Variants in ROBO2 observed in about 807,000 individuals in gnomAD.
The protein encoded by ROBO2 is roundabout guidance receptor 2, also known as roundabout homolog 2.
Under a neutral mutation model 160.8 loss-of-function variants are expected in ROBO2, and 53 were observed. The ratio of observed to expected loss-of-function variants is 0.33; its 90% CI spans 0.26 to 0.41. The LOEUF is 0.41. Among genes scored for constraint, ROBO2 ranks in the 10% least tolerant of loss-of-function variants. The probability of loss-of-function intolerance (pLI) is 1.00; values close to 1 mark genes in which losing one functional copy is unlikely to be tolerated. For synonymous variants in ROBO2, 664 were observed against 611.7 expected (o/e 1.09, Z -1.26); for missense variants, 1,577 against 1,722.4 (o/e 0.92, Z 1.49).
intron 2 of ROBO2, among the ~76,000 whole-genome samples, chr3:77,267,448 G>A (rs994463380): frequency 1.3e-5 from 2 of 152,038 alleles, no homozygotes; most frequent in African/African-American, 4.8e-5. Context: ...ACAGGTATTC[G>A]CACCTGCCTC....
intron 2 of ROBO2, among the ~76,000 whole-genome samples, chr3:76,443,290 A>G (rs1358749714): frequency 6.6e-6 from 1 of 152,128 alleles, no homozygotes; most frequent in Non-Finnish European, 1.5e-5. Flanking sequence ...ATTGGAGATC[A>G]CATTTCAACA....
chr3:76,039,436 T>G (rs2067214402), intron 2 of ROBO2, among the ~76,000 whole-genome samples: 2 of 152,066 alleles, frequency 1.3e-5, no homozygotes, highest in Admixed American at 6.5e-5. Context: ...TTGTTTAATA[T>G]AAATGGCCAT....
At chr3:77,143,129 C>T (rs990291428) in intron 2 of ROBO2, among the ~76,000 whole-genome samples, 2 of 147,228 alleles carry the variant, frequency 1.4e-5, no homozygotes, top group Non-Finnish European at 3.0e-5. Context: ...TACCTTATGA[C>T]AGCTTTGCAA....
intron 2 of ROBO2, among the ~76,000 whole-genome samples, chr3:77,274,469 C>T (rs774978832): frequency 2.0e-5 from 3 of 152,074 alleles, no homozygotes; most frequent in Non-Finnish European, 4.4e-5. Flanking sequence ...AAAAACCTGT[C>T]ATAGAGTTGA....
At position 77,552,439 on chromosome 3, in the gene ROBO2, G is replaced by A. The variant is rs542906506; in HGVS notation, c.1231+1450G>A. ...AGAGCCAGTTAATGTGACTGTTATC[G>A]TTCATAAAACAGGTGGATATTCAGA... On this transcript the variant is annotated intron_variant, in intron 8 of 25. Coordinates refer to ENST00000461745, the Ensembl canonical transcript of ROBO2. Among the ~76,000 whole-genome samples the A allele has an allele frequency of 8.5e-5, 13 of 152,088 alleles. No individual in the cohort carries two copies. The East Asian group carries it at 9.7e-4, about 11-fold the overall frequency.
intron 2 of ROBO2, among the ~76,000 whole-genome samples, chr3:76,238,624 C>G (rs1173014247): frequency 6.6e-6 from 1 of 150,704 alleles, no homozygotes; most frequent in Non-Finnish European, 1.5e-5. Context: ...CACCTCCCCC[C>G]AGGTTTCCCC....
At chr3:76,281,518 G>T (rs1708231212) in intron 2 of ROBO2, among the ~76,000 whole-genome samples, 1 of 151,788 alleles carries the variant, frequency 6.6e-6, no homozygotes, top group African/African-American at 2.4e-5. Context: ...TCTATATACT[G>T]TTGGGTTTGT....
chr3:77,395,056 A>G (rs995626688), intron 2 of ROBO2, among the ~76,000 whole-genome samples: 1 of 152,066 alleles, frequency 6.6e-6, no homozygotes, highest in Non-Finnish European at 1.5e-5. Context: ...TTCTCTTGCT[A>G]TTTGAATTTT....
At chr3:76,910,750 A>AAAG (rs2075940592) in intron 2 of ROBO2, among the ~76,000 whole-genome samples, 1 of 151,146 alleles carries the variant, frequency 6.6e-6, no homozygotes, top group South Asian at 2.1e-4. Flanking sequence ...AAAAAGAAAA[A>AAAG]AAAAGAAATC....
intron 1 of ROBO2, among the ~76,000 whole-genome samples, chr3:75,927,936 C>G (rs1040644700): frequency 6.7e-6 from 1 of 148,960 alleles, no homozygotes; most frequent in African/African-American, 2.5e-5. Flanking sequence ...CTGTGTGTTC[C>G]TGTGTATTGT....
chr3:77,616,344 T>A (rs866906411), intron 21 of ROBO2, among the ~76,000 whole-genome samples: 10 of 148,722 alleles, frequency 6.7e-5, no homozygotes, highest in Middle Eastern at 3.2e-3. Flanking sequence ...TAGGATGGGT[T>A]TTTTAGACCT....
chr3:76,610,940 A>G (rs2088066134), intron 2 of ROBO2, among the ~76,000 whole-genome samples: 1 of 152,190 alleles, frequency 6.6e-6, no homozygotes. Context: ...AAGGCAGATA[A>G]TAATTTTATT....
intron 2 of ROBO2, among the ~76,000 whole-genome samples, chr3:76,897,996 C>T (rs1385066313): frequency 6.6e-6 from 1 of 152,020 alleles, no homozygotes; most frequent in South Asian, 2.1e-4. Flanking sequence ...AGTATATTTT[C>T]ATGTCAACAC....
chr3:77,298,180 A>G (rs1227446958), intron 2 of ROBO2, among the ~76,000 whole-genome samples: 4 of 152,184 alleles, frequency 2.6e-5, no homozygotes, highest in Non-Finnish European at 5.9e-5. Flanking sequence ...CTCAGCATGA[A>G]TTGAATAATA....
At chr3:76,190,779 C>T (rs192767667) in intron 2 of ROBO2, among the ~76,000 whole-genome samples, 1 of 152,074 alleles carries the variant, frequency 6.6e-6, no homozygotes, top group Non-Finnish European at 1.5e-5. Context: ...TCTTATGCTT[C>T]CCATTGCTGT....
chr3:76,117,746 T>C (rs1441644763), intron 2 of ROBO2, among the ~76,000 whole-genome samples: 2 of 152,176 alleles, frequency 1.3e-5, no homozygotes, highest in Non-Finnish European at 2.9e-5. Context: ...GCTTACATTC[T>C]AGTGGGGGAG....
chr3:76,291,414 CT>C (rs963026033), intron 2 of ROBO2, among the ~76,000 whole-genome samples: 66 of 151,908 alleles, frequency 4.3e-4, no homozygotes, highest in African/African-American at 1.2e-3. Flanking sequence ...TGGATCTTCT[CT>C]TTTTTTCATT....
intron 2 of ROBO2, among the ~76,000 whole-genome samples, chr3:77,203,977 A>G (rs1202258153): frequency 2.6e-5 from 4 of 152,218 alleles, no homozygotes; most frequent in African/African-American, 9.7e-5. Context: ...TCTTTTGGCA[A>G]CTATCTCTTT....
At chr3:76,381,276 A>T (rs566266349) in intron 2 of ROBO2, among the ~76,000 whole-genome samples, 6 of 152,170 alleles carry the variant, frequency 3.9e-5, no homozygotes, top group Non-Finnish European at 8.8e-5. Flanking sequence ...GACCAAAATA[A>T]ATCAAGTTAG....
Sources: allele counts gnomAD v4.1 joint callset (sites outside exome capture counted in the v4.1 genomes callset), GRCh38; gene constraint gnomAD v4.1.1; transcripts MANE v1.5; gene names NCBI Gene and HGNC (gene_info 2026-07-23, HGNC 2026-07-21).